Variants in EGFR observed in about 807,000 individuals in gnomAD.
EGFR encodes the protein avian erythroblastic leukemia viral (v-erb-b) oncogene homolog.
A neutral mutation model predicts 143.0 loss-of-function variants in EGFR; 58 were observed. The observed-to-expected ratio is 0.41, with a 90% CI of 0.33 to 0.50. The LOEUF (loss-of-function observed/expected upper bound fraction) is 0.50. Ranked by LOEUF, EGFR falls within the 20% of genes least tolerant of loss-of-function variation. EGFR has a pLI of 0.39. For missense variants in EGFR, 1,307 were observed against 1,579.0 expected (o/e 0.83, Z 2.92); for synonymous variants, 613 against 594.4 (o/e 1.03, Z -0.45).
At chr7:55,181,103 G>GC in intron 19 of EGFR, 190 bp from the exon 20 acceptor site, 1 of 701,176 alleles carries the variant, frequency 1.4e-6, no homozygotes, top group Non-Finnish European at 2.4e-6. Flanking sequence ...CTCTCCCACT[G>GC]CATCTGTCAC....
chr7:55,071,018 C>T (rs547403078), intron 1 of EGFR, among the ~76,000 whole-genome samples: 2 of 152,372 alleles, frequency 1.3e-5, no homozygotes, highest in South Asian at 4.1e-4. Context: ...AAGGCCTGTG[C>T]CAAACGCCGC....
intron 1 of EGFR, among the ~76,000 whole-genome samples, chr7:55,078,769 G>C (rs1191176557): frequency 6.6e-6 from 1 of 152,174 alleles, no homozygotes; most frequent in Non-Finnish European, 1.5e-5. Context: ...AGATGGTTTG[G>C]GCAGCCCGCG....
chr7:55,034,637 A>T (rs963615268), intron 1 of EGFR, among the ~76,000 whole-genome samples: 3 of 152,202 alleles, frequency 2.0e-5, no homozygotes, highest in Non-Finnish European at 4.4e-5. Context: ...AACTGTAAAA[A>T]ATGCGCCAAC....
intron 15 of EGFR, chr7:55,166,213 G>A (rs1785973887): frequency 3.8e-6 from 2 of 530,102 alleles, no homozygotes; most frequent in Non-Finnish European, 7.3e-6. Context: ...CTCTGATTGT[G>A]TGTATCTTAT....
chr7:55,021,843 G>T (rs117231319), intron 1 of EGFR, among the ~76,000 whole-genome samples: 3 of 152,162 alleles, frequency 2.0e-5, no homozygotes, highest in Admixed American at 1.3e-4. Context: ...GGGAAACTGA[G>T]GTACGAAGAA....
At chr7:55,149,812 A>C (rs1794940670) in intron 4 of EGFR, among the ~76,000 whole-genome samples, 1 of 152,254 alleles carries the variant, frequency 6.6e-6, no homozygotes, top group African/African-American at 2.4e-5. Context: ...GGTTGAAAAA[A>C]TTATGCAGCA....
chr7:55,088,878 CTACT>C (rs985106065), intron 1 of EGFR, among the ~76,000 whole-genome samples: 3 of 152,178 alleles, frequency 2.0e-5, no homozygotes, highest in Non-Finnish European at 2.9e-5. Context: ...TTTTTTGTCT[CTACT>C]TACTTATTTA....
At chr7:55,166,691 GTGA>G (rs55639324) in intron 15 of EGFR, among the ~76,000 whole-genome samples, 245 of 124,200 alleles carry the variant, frequency 2.0e-3, no homozygotes, top group South Asian at 6.0e-3. Flanking sequence ...AATGGTGGTG[GTGA>G]TGGTGTTGAT....
rs1381449782 is a variant in EGFR, at chr7:55,109,843, C to A, written c.89-32443C>A. The A allele has an allele frequency of 1.9e-5, 19 of 985,508 alleles. No individual in the cohort carries two copies. The Admixed American group carries it at 1.0e-3, about 54-fold the overall frequency. The allele number at this position is 985,508 out of a possible 1,614,324, so 61.0% of individuals were successfully genotyped here. A position where few individuals can be genotyped will look rare whatever the true frequency, so the allele number is the denominator to read the frequency against. On this transcript the variant is annotated intron_variant, in intron 1 of 27. Coordinates refer to ENST00000275493, the MANE Select transcript of EGFR (RefSeq NM_005228.5). The stretch of plus-strand genomic sequence containing the variant: ...CTTTTGAATGAGCTCTAAAACAGTT[C>A]TCCACTGGACTTCAGAACAAGAGGG...
chr7:55,073,857 C>T (rs905551727), intron 1 of EGFR, among the ~76,000 whole-genome samples: 2 of 152,222 alleles, frequency 1.3e-5, no homozygotes, highest in African/African-American at 4.8e-5. Context: ...TATTTTTCTT[C>T]CAAGATTTTG....
At chr7:55,178,909 A>G (rs1046971155) in intron 19 of EGFR, among the ~76,000 whole-genome samples, 3 of 152,164 alleles carry the variant, frequency 2.0e-5, no homozygotes, top group Admixed American at 6.5e-5. Context: ...TTTGACCTTC[A>G]TGACTTCAGT....
At chr7:55,123,139 A>G (rs1793311065) in intron 1 of EGFR, among the ~76,000 whole-genome samples, 1 of 152,246 alleles carries the variant, frequency 6.6e-6, no homozygotes, top group East Asian at 1.9e-4. Flanking sequence ...ATTGAAAATC[A>G]TCTACCTAAT....
chr7:55,121,444 A>C (rs1793199477), intron 1 of EGFR, among the ~76,000 whole-genome samples: 1 of 152,198 alleles, frequency 6.6e-6, no homozygotes, highest in African/African-American at 2.4e-5. Context: ...CCATTAGAAG[A>C]ATGTCCTACA....
At chr7:55,197,798 A>T (rs192434534) in intron 22 of EGFR, among the ~76,000 whole-genome samples, 1 of 152,202 alleles carries the variant, frequency 6.6e-6, no homozygotes, top group African/African-American at 2.4e-5. Flanking sequence ...GGTGAATCAC[A>T]TTTATTGATT....
chr7:55,141,701 T>G (rs41471148), intron 1 of EGFR, among the ~76,000 whole-genome samples: 1 of 152,262 alleles, frequency 6.6e-6, no homozygotes, highest in South Asian at 2.1e-4. Context: ...TTGTCCCTGA[T>G]TTTAGGTGTA....
At chr7:55,028,173 A>ACGTCATG (rs917427093) in intron 1 of EGFR, among the ~76,000 whole-genome samples, 1 of 151,826 alleles carries the variant, frequency 6.6e-6, no homozygotes, top group African/African-American at 2.4e-5. Context: ...ACAGCAGATG[A>ACGTCATG]CGTCATGATT....
chr7:55,180,565 G>A (rs1177346394), intron 19 of EGFR: 1 of 153,188 alleles, frequency 6.5e-6, no homozygotes, highest in East Asian at 1.9e-4. Flanking sequence ...CTTCTCTTTA[G>A]AAATGGGTCC....
At chr7:55,194,451 C>A in intron 22 of EGFR, among the ~76,000 whole-genome samples, 1 of 152,130 alleles carries the variant, frequency 6.6e-6, no homozygotes, top group Non-Finnish European at 1.5e-5. Flanking sequence ...TGGTCTCGAA[C>A]TCCTGACCTC....
chr7:55,145,239 G>C (rs1000116619), intron 3 of EGFR, among the ~76,000 whole-genome samples: 1 of 152,182 alleles, frequency 6.6e-6, no homozygotes, highest in East Asian at 1.9e-4. Flanking sequence ...TCTTTGGTCT[G>C]TTGTCCGAGC....
Sources: gnomAD v4.1 joint callset for allele counts (sites outside exome capture counted in the v4.1 genomes callset) on GRCh38, gnomAD v4.1.1 for gene constraint, MANE v1.5 for transcripts, NCBI Gene and HGNC (gene_info 2026-07-23, HGNC 2026-07-21) for gene names.